The following BPIFC variants were observed in gnomAD, a reference collection of about 807,000 sequenced individuals.
BPIFC encodes BPI fold containing family C, also known as BPI fold-containing family C protein.
In BPIFC, 60 loss-of-function variants were observed where a neutral mutation model predicts 57.6. That is an observed-to-expected ratio of 1.04 (90% confidence interval 0.85 to 1.29). The LOEUF is 1.29. Ranked by LOEUF, BPIFC falls within the 50% of genes most tolerant of loss-of-function variation. BPIFC has a pLI of 0.00. For missense variants in BPIFC, 581 were observed against 600.5 expected, an observed-to-expected ratio of 0.97 and a Z score of 0.34; for synonymous variants, 243 against 224.5, an observed-to-expected ratio of 1.08 and a Z score of -0.74.
chr22:32,433,719 C>G lies in BPIFC; in HGVS notation c.978G>C (p.Arg326=), dbSNP rs777757429. 3.7e-6 allele frequency: 6 copies of G among 1,613,686 alleles called. No individual in the cohort carries two copies. In the South Asian group the frequency reaches 4.4e-5, roughly 12 times the overall value. ...CAAGACTCAAACCCTGAGCACTTACCCGGGAGAGCACGTTGCCAAGGCCTT... is the reference window on the plus strand; with the variant it reads ...CAAGACTCAAACCCTGAGCACTTACGCGGGAGAGCACGTTGCCAAGGCCTT... The part of the protein sequence containing the change: ...NSQGLGNVLS[R]IAEIYILSQP... Residue 326 remains arginine (R), a splice_region_variant and synonymous_variant, in exon 11 of 17, where the codon CGG becomes CGC. Coordinates refer to ENST00000300399, the MANE Select transcript of BPIFC (RefSeq NM_174932.3).
rs1299614544 is a variant in BPIFC, at chr22:32,417,062, A to G, written c.1324+23T>C. On this transcript the variant is annotated intron_variant, in intron 15 of 16. Coordinates refer to ENST00000300399, the MANE Select transcript of BPIFC (RefSeq NM_174932.3). ...AAATGTTAGCCGATGTTACAGTCAC[A>G]TTGTTTTCCAATAATCCCTTACCAT... 4.5e-6 allele frequency: 7 copies of G among 1,560,378 alleles called. No individual in the cohort carries two copies. The South Asian group carries it at 5.6e-5, about 12-fold the overall frequency.
In BPIFC at chr22:32,461,569, T is replaced by C. The variant is rs1935160656; in HGVS notation, c.-1+5A>G. ...CATCTTAACACTCTGAATGGATGCA[T>C]GTACCTCCTGCAGGAGCTAGATCCA... On this transcript the variant is annotated splice_donor_5th_base_variant and intron_variant, in intron 2 of 16. Transcript: ENST00000300399. The C allele has an allele frequency of 1.0e-6, 1 of 985,110 alleles. No homozygotes were observed. Among genetic ancestry groups the C allele is most frequent in the African/African-American group, 1.7e-5 (1 of 57,214 alleles). 61.0% of individuals were successfully genotyped at this position (985,110 alleles called of 1,614,324 possible). A position where few individuals can be genotyped will look rare whatever the true frequency, so the allele number is the denominator to read the frequency against.
intron 13 of BPIFC, among the ~76,000 whole-genome samples, chr22:32,428,013 A>G (rs1934115596): frequency 6.6e-6 from 1 of 151,876 alleles, no homozygotes; most frequent in Non-Finnish European, 1.5e-5. Context: ...AAACAAAACA[A>G]AAAAGAACTG....
chr22:32,432,773 C>T (rs1323561203), intron 11 of BPIFC, among the ~76,000 whole-genome samples: 1 of 152,174 alleles, frequency 6.6e-6, no homozygotes, highest in East Asian at 1.9e-4. Context: ...TATATATTAT[C>T]ACATTTAATC....
At chr22:32,459,536 G>A (rs1275774082) in intron 2 of BPIFC, among the ~76,000 whole-genome samples, 3 of 152,078 alleles carry the variant, frequency 2.0e-5, no homozygotes, top group African/African-American at 4.8e-5. Context: ...GGTGGCGGGC[G>A]CTTGTAGTCC....
chr22:32,432,394 T>G lies in BPIFC; in HGVS notation c.1128A>C (p.Glu376Asp). 1 of 1,614,044 alleles carries G rather than the reference T, an allele frequency of 6.2e-7. No homozygotes were observed. Among genetic ancestry groups the G allele is most frequent in the South Asian group, 1.1e-5 (1 of 91,062 alleles). The change falls in exon 12 of 17, where the codon GAA (glutamate) becomes GAC (aspartate). Residue 376 changes from glutamate to aspartate, a missense_variant. By Grantham distance (45) the Glu-to-Asp change is conservative. Transcript: ENST00000300399. ...TTACGAAGTCCATGGAAACGATGGT[T>G]TCAACTGTGGAGTTCTTGGGTTGGG... The part of the protein sequence containing the change: ...MLTQPKNSTV[E>D]TIVSMDFVAS...
chr22:32,421,949 T>C (rs1388343938), intron 13 of BPIFC, among the ~76,000 whole-genome samples: 1 of 151,978 alleles, frequency 6.6e-6, no homozygotes, highest in Non-Finnish European at 1.5e-5. Context: ...GAAGGATGAA[T>C]AAGATTCAAA....
chr22:32,416,834 C>G (rs1000180088), intron 15 of BPIFC, among the ~76,000 whole-genome samples: 2 of 152,184 alleles, frequency 1.3e-5, no homozygotes, highest in Non-Finnish European at 2.9e-5. Flanking sequence ...CTTAACTCAA[C>G]CAGAGTTGGC....
At chr22:32,432,886 A>AT (rs1934288944) in intron 11 of BPIFC, among the ~76,000 whole-genome samples, 1 of 152,170 alleles carries the variant, frequency 6.6e-6, no homozygotes, top group African/African-American at 2.4e-5. Context: ...TTCTAGGGGA[A>AT]TAAGTGGTAG....
At chr22:32,450,175 A>T (rs962118080) in intron 4 of BPIFC, among the ~76,000 whole-genome samples, 1 of 151,880 alleles carries the variant, frequency 6.6e-6, no homozygotes, top group Admixed American at 6.6e-5. Flanking sequence ...TATATATAAG[A>T]TTATATACTG....
intron 13 of BPIFC, among the ~76,000 whole-genome samples, chr22:32,430,276 G>A (rs1288686826): frequency 6.6e-6 from 1 of 152,162 alleles, no homozygotes; most frequent in Non-Finnish European, 1.5e-5. Flanking sequence ...GAGGCTCAAG[G>A]AGGTTAACAG....
At chr22:32,453,638 G>T in intron 3 of BPIFC, 135 bp from the exon 4 acceptor site, 1 of 1,140,422 alleles carries the variant, frequency 8.8e-7, no homozygotes, top group Non-Finnish European at 1.2e-6. Context: ...CCACAAAGTG[G>T]GTATTATTGT....
rs1935008160 is a variant in BPIFC, at chr22:32,455,251, A to G, written c.125-1748T>C. Reference sequence around the variant, plus strand: ...TTTTTAGTAGAGATCGGGTTTCACCATGTTGACCTGGATGGTCTCGATCTC... The same window carrying G: ...TTTTTAGTAGAGATCGGGTTTCACCGTGTTGACCTGGATGGTCTCGATCTC... On this transcript the variant is annotated intron_variant, in intron 3 of 16. Transcript: ENST00000300399. 3.3e-5 allele frequency among the ~76,000 whole-genome samples: 5 copies of G among 151,832 alleles called. No individual in the cohort carries two copies. The South Asian group carries it at 1.0e-3, about 32-fold the overall frequency.
chr22:32,449,920 G>A (rs1432231176), intron 4 of BPIFC, among the ~76,000 whole-genome samples: 1 of 152,028 alleles, frequency 6.6e-6, no homozygotes, highest in Non-Finnish European at 1.5e-5. Flanking sequence ...ACTTTTAGTA[G>A]AGATGGGGTT....
At chr22:32,417,641 T>C (rs1434405585) in intron 14 of BPIFC, among the ~76,000 whole-genome samples, 1 of 152,188 alleles carries the variant, frequency 6.6e-6, no homozygotes, top group African/African-American at 2.4e-5. Flanking sequence ...ACACTTCTGC[T>C]TCCCTCTACA....
intron 3 of BPIFC, 44 bp downstream of exon 3, chr22:32,457,219 A>C (rs761067187): frequency 1.3e-5 from 21 of 1,566,984 alleles, no homozygotes; most frequent in Non-Finnish European, 1.7e-5. Flanking sequence ...CACAGACCCC[A>C]CCTAGTGGGC....
At chr22:32,429,592 C>T (rs1050289855) in intron 13 of BPIFC, among the ~76,000 whole-genome samples, 26 of 148,778 alleles carry the variant, frequency 1.7e-4, no homozygotes, top group Admixed American at 1.6e-3. Context: ...TCTCTGCTCA[C>T]CACAACCTCC....
At chr22:32,427,060 G>T (rs1268814906) in intron 13 of BPIFC, among the ~76,000 whole-genome samples, 1 of 152,168 alleles carries the variant, frequency 6.6e-6, no homozygotes, top group Non-Finnish European at 1.5e-5. Context: ...CCAGGAGACT[G>T]CTGGGCAACA....
intron 4 of BPIFC, among the ~76,000 whole-genome samples, chr22:32,447,602 G>A (rs538557800): frequency 6.4e-5 from 9 of 139,600 alleles, no homozygotes; most frequent in East Asian, 6.0e-4. Flanking sequence ...CTTCTCTCTC[G>A]CTCTCTTTTT....
Sources: allele counts gnomAD v4.1 joint callset (sites outside exome capture counted in the v4.1 genomes callset), GRCh38; gene constraint gnomAD v4.1.1; transcripts MANE v1.5; gene names NCBI Gene and HGNC (gene_info 2026-07-23, HGNC 2026-07-21).